The following CNTNAP3B variants were observed in gnomAD, a reference collection of about 807,000 sequenced individuals.
CNTNAP3B encodes the protein contactin associated protein family member 3B.
CNTNAP3B carries 25 observed loss-of-function variants against 108.9 expected under a neutral mutation model. The observed-to-expected ratio is 0.23, with a 90% CI of 0.17 to 0.32. The LOEUF is 0.32. CNTNAP3B is among the 10% of genes least tolerant of loss of function. The pLI is 1.00. For synonymous variants in CNTNAP3B, 103 were observed against 473.4 expected (o/e 0.22, Z 10.16); for missense variants, 252 against 1,210.4 (o/e 0.21, Z 11.75).
chr9:42,089,027 G>A lies in CNTNAP3B; in HGVS notation c.197-11965C>T, dbSNP rs1325397690. On this transcript the variant is annotated intron_variant, in intron 2 of 23. Transcript: ENST00000377561. ...AGGCCAGGAGTTGGAGACCAGCCTG[G>A]TAAACATGGTGAAACCCCATTTGTA... 1.4e-4 allele frequency among the ~76,000 whole-genome samples: 16 copies of A among 117,748 alleles called. No individual in the cohort carries two copies. In the Admixed American group the frequency reaches 1.4e-3, roughly 10 times the overall value. 77.2% of individuals were successfully genotyped at this position (117,748 alleles called of 152,430 possible). A position where few individuals can be genotyped will look rare whatever the true frequency, so the allele number is the denominator to read the frequency against.
rs1490845983 is a variant in CNTNAP3B, at chr9:42,113,957, T to A, written c.86-9218A>T. ...ACCACAAAATTAAAAACTAAAAAAATTAAAAATAATAATAATTCTTTCTAT... is the reference window on the plus strand; with the variant it reads ...ACCACAAAATTAAAAACTAAAAAAAATAAAAATAATAATAATTCTTTCTAT... On this transcript the variant is annotated intron_variant, in intron 1 of 23. Transcript: ENST00000377561. Among the ~76,000 whole-genome samples the A allele has an allele frequency of 4.5e-5, 6 of 133,160 alleles. 1 individual carries two copies. Among genetic ancestry groups the A allele is most frequent in the African/African-American group, 1.5e-4 (5 of 33,026 alleles). 87.4% of individuals were successfully genotyped at this position (133,160 alleles called of 152,430 possible). A position where few individuals can be genotyped will look rare whatever the true frequency, so the allele number is the denominator to read the frequency against.
chr9:41,940,997 T>G (rs1824326084), intron 13 of CNTNAP3B, among the ~76,000 whole-genome samples: 1 of 151,980 alleles, frequency 6.6e-6, no homozygotes, highest in Non-Finnish European at 1.5e-5. Context: ...TATAATAGAC[T>G]ATCCTTATCA....
chr9:41,995,869 C>G (rs1410628109), intron 7 of CNTNAP3B, among the ~76,000 whole-genome samples: 3 of 141,998 alleles, frequency 2.1e-5, no homozygotes, highest in Non-Finnish European at 3.1e-5. Context: ...AACCCCGTCT[C>G]TACTAAAAGT....
chr9:42,117,775 A>G lies in CNTNAP3B; in HGVS notation c.85+11235T>C, dbSNP rs530352167. On this transcript the variant is annotated intron_variant, in intron 1 of 23. Coordinates refer to ENST00000377561, the MANE Select transcript of CNTNAP3B (RefSeq NM_001201380.3). ...GAAAGATCAACAAAATTGATAGACC[A>G]CTAGCAAGACTAATAAAGAAGAAAA... Among the ~76,000 whole-genome samples the G allele has an allele frequency of 1.4e-4, 19 of 137,600 alleles. 6 individuals carry two copies. Among genetic ancestry groups the G allele is most frequent in the East Asian group, 8.8e-4 (4 of 4,540 alleles). The allele number at this position is 137,600 out of a possible 152,430, so 90.3% of individuals were successfully genotyped here.
At chr9:42,024,682 A>AG (rs1412652130) in intron 3 of CNTNAP3B, among the ~76,000 whole-genome samples, 1 of 137,624 alleles carries the variant, frequency 7.3e-6, no homozygotes, top group Non-Finnish European at 1.6e-5. Context: ...AAAAAAAAAA[A>AG]AAGAAAAAAA....
chr9:41,996,341 A>G lies in CNTNAP3B; in HGVS notation c.935T>C (p.Phe312Ser), dbSNP rs113727845. The change falls in exon 7 of 24, where the codon TTT (phenylalanine) becomes TCT (serine). Residue 312 changes from phenylalanine to serine, a missense_variant. Transcript: ENST00000377561. ...TCTTCCGGGTGACAGAATTCCCCCA[A>G]AGCTGATCTTAGAAAGAAAAATGAC... is the stretch of plus-strand genomic sequence containing the variant. ...SNLDLNFEIS[F>S]GGILSPGRSR... 1.9e-3 allele frequency: 2,843 copies of G among 1,533,124 alleles called. 653 individuals carry two copies. The African/African-American group carries it at 0.041, about 22-fold the overall frequency. The allele number at this position is 1,533,124 out of a possible 1,614,324, so 95.0% of individuals were successfully genotyped here.
chr9:42,101,859 C>G (rs1828008266), intron 2 of CNTNAP3B, among the ~76,000 whole-genome samples: 1 of 116,304 alleles, frequency 8.6e-6, no homozygotes, highest in Non-Finnish European at 1.8e-5. Flanking sequence ...GACATTGAGA[C>G]CATCCGGGCC....
At chr9:41,959,499 T>G (rs565769184) in intron 12 of CNTNAP3B, among the ~76,000 whole-genome samples, 525 of 152,102 alleles carry the variant, frequency 3.5e-3, no homozygotes, top group Non-Finnish European at 5.9e-3. Flanking sequence ...CTTAAAATGA[T>G]GACAACCAAG....
rs375095283 is a variant in CNTNAP3B, at chr9:41,956,277, C to T, written c.1877-2891G>A. ...GGCACATGCCTGTAGTCCCAGCTAC[C>T]GGGGAGGCCGAGGCAGAAGAATCAT... On this transcript the variant is annotated intron_variant, in intron 12 of 23. Coordinates refer to ENST00000377561, the MANE Select transcript of CNTNAP3B (RefSeq NM_001201380.3). 3.4e-3 allele frequency among the ~76,000 whole-genome samples: 509 copies of T among 151,118 alleles called. 1 individual carries two copies. Among genetic ancestry groups the T allele is most frequent in the East Asian group, 8.9e-3 (45 of 5,066 alleles).
intron 13 of CNTNAP3B, among the ~76,000 whole-genome samples, chr9:41,949,960 A>G (rs1282320471): frequency 6.6e-6 from 1 of 152,206 alleles, no homozygotes. Flanking sequence ...AGTGGGAAAA[A>G]ATATTCGCAA....
chr9:42,075,032 G>A (rs563563842), intron 3 of CNTNAP3B, among the ~76,000 whole-genome samples: 3 of 146,160 alleles, frequency 2.1e-5, no homozygotes, highest in South Asian at 4.3e-4. Flanking sequence ...TCTGTTCTAT[G>A]CCCATCTCCT....
At chr9:42,018,713 A>G (rs1434839736) in intron 3 of CNTNAP3B, among the ~76,000 whole-genome samples, 1 of 151,636 alleles carries the variant, frequency 6.6e-6, no homozygotes, top group Non-Finnish European at 1.5e-5. Context: ...GTTTCCTGTA[A>G]GTGATACATC....
intron 2 of CNTNAP3B, among the ~76,000 whole-genome samples, chr9:42,095,093 G>A (rs1045741998): frequency 7.4e-6 from 1 of 135,668 alleles, no homozygotes; most frequent in Non-Finnish European, 1.6e-5. Flanking sequence ...TATTCACTAT[G>A]CTGTGCAAAA....
In CNTNAP3B at chr9:42,041,842, T is replaced by G. The variant is rs1395069946; in HGVS notation, c.391-28317A>C. ...CAAAGACTTGGAACCAACCCAAATG[T>G]CCATCAATGACAGAATGGATTAAGA... On this transcript the variant is annotated intron_variant, in intron 3 of 23. Transcript: ENST00000377561. Among the ~76,000 whole-genome samples the G allele has an allele frequency of 5.0e-3, 720 of 144,602 alleles. 2 individuals carry two copies. Among genetic ancestry groups the G allele is most frequent in the African/African-American group, 0.018 (682 of 37,524 alleles). The allele number at this position is 144,602 out of a possible 152,430, so 94.9% of individuals were successfully genotyped here. A position where few individuals can be genotyped will look rare whatever the true frequency, so the allele number is the denominator to read the frequency against.
chr9:41,962,069 G>C (rs944022725), intron 11 of CNTNAP3B, among the ~76,000 whole-genome samples: 12 of 152,330 alleles, frequency 7.9e-5, no homozygotes, highest in Middle Eastern at 3.4e-3. Flanking sequence ...TATGTGAACT[G>C]TTTGGCTTTT....
At chr9:41,941,188 C>T (rs1400024312) in intron 13 of CNTNAP3B, among the ~76,000 whole-genome samples, 3 of 150,750 alleles carry the variant, frequency 2.0e-5, no homozygotes, top group Admixed American at 2.0e-4. Flanking sequence ...CACTATAATA[C>T]CAAGCAACGA....
At chr9:41,944,035 T>G (rs1824449212) in intron 13 of CNTNAP3B, among the ~76,000 whole-genome samples, 1 of 151,788 alleles carries the variant, frequency 6.6e-6, no homozygotes, top group African/African-American at 2.4e-5. Flanking sequence ...GAAAGTGAAG[T>G]GAAATATTTA....
chr9:41,961,808 C>T (rs1280865986), intron 11 of CNTNAP3B, among the ~76,000 whole-genome samples: 1 of 152,302 alleles, frequency 6.6e-6, no homozygotes, highest in East Asian at 1.9e-4. Flanking sequence ...TTTACTCTAG[C>T]ATAATTGAAT....
chr9:41,931,100 A>T (rs1823965147), intron 14 of CNTNAP3B, among the ~76,000 whole-genome samples: 1 of 152,294 alleles, frequency 6.6e-6, no homozygotes. Context: ...CTTCTTTTGT[A>T]TGCATTTGTG....
Sources: gnomAD v4.1 joint callset for allele counts (sites outside exome capture counted in the v4.1 genomes callset) on GRCh38, gnomAD v4.1.1 for gene constraint, MANE v1.5 for transcripts, NCBI Gene and HGNC (gene_info 2026-07-23, HGNC 2026-07-21) for gene names.